Variants in ERC1 observed in about 807,000 individuals in gnomAD.
ERC1 encodes RAB6 interacting protein 2.
A neutral mutation model predicts 132.0 loss-of-function variants in ERC1; 56 were observed. The ratio of observed to expected loss-of-function variants is 0.42; its 90% CI spans 0.34 to 0.53. The LOEUF (loss-of-function observed/expected upper bound fraction) is 0.53. ERC1 is among the 20% of genes least tolerant of loss of function. The pLI, the probability that ERC1 is intolerant of heterozygous loss-of-function variation, is 0.03. For synonymous variants in ERC1, 478 were observed against 476.1 expected, an observed-to-expected ratio of 1.00 and a Z score of -0.05; for missense variants, 1,202 against 1,349.9, an observed-to-expected ratio of 0.89 and a Z score of 1.72.
At chr12:1,315,676 T>A (rs899370004) in intron 15 of ERC1, among the ~76,000 whole-genome samples, 20 of 152,052 alleles carry the variant, frequency 1.3e-4, no homozygotes, top group African/African-American at 4.8e-4. Flanking sequence ...TTCTCAGACT[T>A]ATTTTTTTAC....
At chr12:1,297,731 A>G (rs2080077600) in intron 15 of ERC1, among the ~76,000 whole-genome samples, 1 of 149,922 alleles carries the variant, frequency 6.7e-6, no homozygotes, top group Non-Finnish European at 1.5e-5. Context: ...AAAAAAAAAC[A>G]CAGACATGGT....
intron 16 of ERC1, among the ~76,000 whole-genome samples, chr12:1,403,498 A>G (rs180717140): frequency 6.3e-4 from 96 of 152,310 alleles, no homozygotes; most frequent in African/African-American, 2.1e-3. Flanking sequence ...CATCATAACT[A>G]TGCAGGGAAC....
At chr12:1,379,156 G>A (rs1268731700) in intron 16 of ERC1, among the ~76,000 whole-genome samples, 1 of 152,128 alleles carries the variant, frequency 6.6e-6, no homozygotes, top group Non-Finnish European at 1.5e-5. Context: ...CTTTGGGGTG[G>A]CCACACTAGT....
chr12:1,363,233 T>A (rs2086304701), intron 15 of ERC1, among the ~76,000 whole-genome samples: 1 of 152,172 alleles, frequency 6.6e-6, no homozygotes, highest in African/African-American at 2.4e-5. Context: ...GATGTCGAGT[T>A]TTTTGCCCAT....
At chr12:1,367,048 A>G (rs1204611796) in intron 15 of ERC1, among the ~76,000 whole-genome samples, 1 of 152,182 alleles carries the variant, frequency 6.6e-6, no homozygotes, top group Non-Finnish European at 1.5e-5. Flanking sequence ...ATAGTCTCTG[A>G]AACCTCTGCA....
At chr12:1,201,612 T>C (rs1358358401) in intron 12 of ERC1, among the ~76,000 whole-genome samples, 1 of 152,226 alleles carries the variant, frequency 6.6e-6, no homozygotes, top group Non-Finnish European at 1.5e-5. Flanking sequence ...TTTATGTTAG[T>C]ATCCCATTAT....
chr12:1,130,401 G>A (rs545206359), intron 7 of ERC1, among the ~76,000 whole-genome samples: 34 of 151,908 alleles, frequency 2.2e-4, no homozygotes, highest in Non-Finnish European at 3.8e-4. Flanking sequence ...ACGAGGAAGT[G>A]TTATGTTATG....
At chr12:1,022,733 T>C (rs983947052) in intron 1 of ERC1, among the ~76,000 whole-genome samples, 1 of 152,120 alleles carries the variant, frequency 6.6e-6, no homozygotes, top group Non-Finnish European at 1.5e-5. Flanking sequence ...TGGCATAATC[T>C]TGGGTCACTG....
At chr12:1,043,877 A>G (rs529696631) in intron 2 of ERC1, among the ~76,000 whole-genome samples, 3 of 152,342 alleles carry the variant, frequency 2.0e-5, no homozygotes, top group Admixed American at 6.5e-5. Context: ...TTCTGTTTGC[A>G]TAGTCTTTTG....
intron 17 of ERC1, among the ~76,000 whole-genome samples, chr12:1,424,793 TGATAGATAGATAGATAGATA>T (rs139054161): frequency 7.0e-4 from 77 of 110,178 alleles, no homozygotes; most frequent in Admixed American, 6.9e-4. Flanking sequence ...GAGCTTGAGA[TGATAGATAGATAGATAGATA>T]GATAGATAGA....
chr12:1,207,413 TC>T (rs1957442946), intron 12 of ERC1, among the ~76,000 whole-genome samples: 2 of 152,318 alleles, frequency 1.3e-5, no homozygotes, highest in Non-Finnish European at 2.9e-5. Context: ...AGGAGAATGA[TC>T]GTTATTATTT....
chr12:1,160,680 C>T (rs1951804455), intron 8 of ERC1, among the ~76,000 whole-genome samples: 2 of 152,134 alleles, frequency 1.3e-5, no homozygotes, highest in Admixed American at 1.3e-4. Context: ...CACTGCACTC[C>T]AGCCTGGGCG....
intron 3 of ERC1, among the ~76,000 whole-genome samples, chr12:1,083,809 C>T (rs1942576063): frequency 6.6e-6 from 1 of 152,092 alleles, no homozygotes; most frequent in African/African-American, 2.4e-5. Flanking sequence ...CTTTTCTCTC[C>T]TGCTCCCCTG....
intron 17 of ERC1, among the ~76,000 whole-genome samples, chr12:1,413,161 T>G (rs2091935866): frequency 6.6e-6 from 1 of 152,184 alleles, no homozygotes; most frequent in South Asian, 2.1e-4. Flanking sequence ...AATTCCCTAT[T>G]GTATGACATT....
At chr12:1,246,917 A>G (rs2076189627) in intron 13 of ERC1, among the ~76,000 whole-genome samples, 1 of 152,362 alleles carries the variant, frequency 6.6e-6, no homozygotes, top group South Asian at 2.1e-4. Context: ...TCGAGGGGAA[A>G]TGTCAGCTAA....
intron 13 of ERC1, among the ~76,000 whole-genome samples, chr12:1,244,330 T>C (rs2076021353): frequency 6.6e-6 from 1 of 152,224 alleles, no homozygotes; most frequent in Non-Finnish European, 1.5e-5. Context: ...TTTTGTGTTT[T>C]AAATTTCTGG....
At chr12:1,169,027 ACACT>A (rs1027628719) in intron 8 of ERC1, among the ~76,000 whole-genome samples, 1 of 152,188 alleles carries the variant, frequency 6.6e-6, no homozygotes, top group African/African-American at 2.4e-5. Context: ...ATAATCAGAA[ACACT>A]CACCATCTAT....
At chr12:1,352,070 A>T (rs12296654) in intron 15 of ERC1, among the ~76,000 whole-genome samples, 1 of 152,058 alleles carries the variant, frequency 6.6e-6, no homozygotes, top group Non-Finnish European at 1.5e-5. Context: ...GAAATACCCA[A>T]TTCTCCCCAG....
intron 11 of ERC1, among the ~76,000 whole-genome samples, chr12:1,184,808 A>C (rs931739326): frequency 3.9e-5 from 6 of 152,086 alleles, no homozygotes; most frequent in Non-Finnish European, 8.8e-5. Context: ...GCTGGAGTGC[A>C]GTGGCGTAAT....
Sources: gnomAD v4.1 joint callset for allele counts (sites outside exome capture counted in the v4.1 genomes callset) on GRCh38, gnomAD v4.1.1 for gene constraint, MANE v1.5 for transcripts, NCBI Gene and HGNC (gene_info 2026-07-23, HGNC 2026-07-21) for gene names.